The following WNT3A variants were observed in gnomAD, a reference collection of about 807,000 sequenced individuals.
WNT3A encodes the protein protein Wnt-3a.
WNT3A carries 17 observed loss-of-function variants against 37.0 expected under a neutral mutation model. The observed-to-expected ratio is 0.46, with a 90% CI of 0.31 to 0.69. WNT3A has a LOEUF of 0.69. Among genes scored for constraint, WNT3A ranks in the 30% least tolerant of loss-of-function variants. The probability of loss-of-function intolerance (pLI) is 0.05; values close to 1 mark genes in which losing one functional copy is unlikely to be tolerated. For synonymous variants in WNT3A, 187 were observed against 211.0 expected (o/e 0.89, Z 0.99); for missense variants, 411 against 510.2 (o/e 0.81, Z 1.87).
intron 3 of WNT3A, 53 bp from the exon 4 acceptor site, chr1:228,058,933 G>A (rs902439043): frequency 2.0e-6 from 3 of 1,520,424 alleles, no homozygotes; most frequent in South Asian, 2.5e-5. Context: ...TGTTTCCTCG[G>A]GGAGACGCAC....
Position 228,008,413 on chromosome 1 carries a change from G to A in WNT3A, c.71+1214G>A, listed in dbSNP as rs2030269301. On this transcript the variant is annotated intron_variant, in intron 1 of 3. Coordinates refer to ENST00000284523, the MANE Select transcript of WNT3A (RefSeq NM_033131.4). This position sits in a 1 kb window ranked among gnomAD's most constrained non-coding sequence, Gnocchi z 4.9. ...AGATGGTTCAGGAGCGGGGGCTCCC[G>A]CGGTAGGGGCGCCGGGCCAGGAGCA... Among the ~76,000 whole-genome samples the A allele has an allele frequency of 6.6e-6, 1 of 152,212 alleles. No homozygotes were observed.
intron 1 of WNT3A, among the ~76,000 whole-genome samples, chr1:228,015,907 G>A (rs1379080950): frequency 2.6e-5 from 4 of 152,018 alleles, no homozygotes; most frequent in African/African-American, 7.2e-5. Flanking sequence ...CTGGGGCCAC[G>A]CTTGTCTTAG....
Sources: allele counts gnomAD v4.1 joint callset (sites outside exome capture counted in the v4.1 genomes callset), GRCh38; gene constraint gnomAD v4.1.1; non-coding constraint Gnocchi (gnomAD v3.1); transcripts MANE v1.5; gene names NCBI Gene and HGNC (gene_info 2026-07-23, HGNC 2026-07-21).